Variants in FLT1 observed in about 807,000 individuals in gnomAD.
FLT1 encodes fms related receptor tyrosine kinase 1, also known as vascular endothelial growth factor receptor 1.
FLT1 carries 49 observed loss-of-function variants against 156.3 expected under a neutral mutation model. The observed-to-expected ratio is 0.31, with a 90% CI of 0.25 to 0.40. The LOEUF (loss-of-function observed/expected upper bound fraction) is 0.40. FLT1 is among the 10% of genes least tolerant of loss of function. The probability of loss-of-function intolerance (pLI) is 1.00; values close to 1 mark genes in which losing one functional copy is unlikely to be tolerated. For missense variants in FLT1, 1,322 were observed against 1,637.2 expected (o/e 0.81, Z 3.32); for synonymous variants, 594 against 583.8 (o/e 1.02, Z -0.25).
intron 14 of FLT1, among the ~76,000 whole-genome samples, chr13:28,383,787 C>A (rs966098802): frequency 8.5e-5 from 13 of 152,048 alleles, no homozygotes; most frequent in South Asian, 2.1e-4. Context: ...TGAGTGAGAT[C>A]GTGCCACTGC....
chr13:28,399,182 G>C (rs1875268728), intron 11 of FLT1: 1 of 1,196,662 alleles, frequency 8.4e-7, no homozygotes, highest in Admixed American at 2.3e-5. Context: ...AGGAAGCTTA[G>C]ACCCTTCAAA....
chr13:28,483,706 C>T (rs762901039), intron 1 of FLT1, among the ~76,000 whole-genome samples: 8 of 152,294 alleles, frequency 5.3e-5, no homozygotes, highest in South Asian at 2.1e-4. Context: ...TAAAGAAATG[C>T]TCCCCGTGTT....
At chr13:28,396,925 C>T (rs755293173) in intron 12 of FLT1, 35 bp downstream of exon 12, 29 of 1,216,500 alleles carry the variant, frequency 2.4e-5, no homozygotes, top group Non-Finnish European at 3.4e-5. Flanking sequence ...AATGAAGTCA[C>T]CAGGCTGTCT....
At chr13:28,311,881 T>C (rs1871021094) in intron 26 of FLT1, 112 bp downstream of exon 26, 4 of 1,092,264 alleles carry the variant, frequency 3.7e-6, no homozygotes, top group Admixed American at 3.6e-5. Flanking sequence ...ACACCCTTTT[T>C]TTAAACTTCT....
intron 15 of FLT1, among the ~76,000 whole-genome samples, chr13:28,352,520 A>C (rs1365417412): frequency 2.0e-5 from 3 of 152,172 alleles, no homozygotes; most frequent in Non-Finnish European, 4.4e-5. Flanking sequence ...TTGCCTCAAG[A>C]ACTCTCTACA....
intron 3 of FLT1, among the ~76,000 whole-genome samples, chr13:28,447,310 C>T (rs188242834): frequency 6.6e-6 from 1 of 151,778 alleles, no homozygotes; most frequent in Admixed American, 6.6e-5. Flanking sequence ...TCCTGAGTAG[C>T]TCAGACTATA....
In FLT1 at chr13:28,374,690, T is replaced by A. The variant is rs141072457; in HGVS notation, c.2116+10195A>T. 2.4e-4 allele frequency among the ~76,000 whole-genome samples: 36 copies of A among 152,064 alleles called. No homozygotes were observed. The East Asian group carries it at 7.0e-3, about 30-fold the overall frequency. Reference sequence around the variant, plus strand: ...CCATGCCCAGCTAATTTTTTCTGTATTTTTAGTAGAGACAGGGTTTCACCG... The same window carrying A: ...CCATGCCCAGCTAATTTTTTCTGTAATTTTAGTAGAGACAGGGTTTCACCG... On this transcript the variant is annotated intron_variant, in intron 14 of 29. Coordinates refer to ENST00000282397, the MANE Select transcript of FLT1 (RefSeq NM_002019.4).
chr13:28,308,234 A>G (rs1593666887), intron 28 of FLT1: 2 of 164,140 alleles, frequency 1.2e-5, no homozygotes, highest in African/African-American at 2.4e-5. Flanking sequence ...TGAGTCCCAG[A>G]GTCTGCAACA....
chr13:28,471,874 T>C (rs1215905816), intron 1 of FLT1, among the ~76,000 whole-genome samples: 1 of 152,102 alleles, frequency 6.6e-6, no homozygotes, highest in African/African-American at 2.4e-5. Context: ...TCTCCTTACA[T>C]CACGAAAACA....
Position 28,327,485 on chromosome 13 carries a change from G to A in FLT1, c.2773C>T (p.Arg925Cys), listed in dbSNP as rs765997000. 2.5e-6 allele frequency: 4 copies of A among 1,612,084 alleles called. No individual in the cohort carries two copies. Among genetic ancestry groups the A allele is most frequent in the African/African-American group, 2.7e-5 (2 of 74,978 alleles). The stretch of plus-strand genomic sequence containing the variant: ...ACCTTGTTGAGAAAAAATAAGTCAC[G>A]TTTGCTCTTGAGGTAGTTGGAGAGA... ...GNLSNYLKSK[R>C]DLFFLNKDAA... is the part of the protein sequence containing the mutation. Residue 925 changes from arginine (R) to cysteine (C), a missense_variant, in exon 20 of 30, where the codon CGT becomes TGT. Physicochemically the swap from Arg to Cys is radical, Grantham distance 180. Coordinates refer to ENST00000282397, the MANE Select transcript of FLT1 (RefSeq NM_002019.4).
intron 1 of FLT1, among the ~76,000 whole-genome samples, chr13:28,478,635 C>T (rs187290628): frequency 2.0e-5 from 3 of 152,324 alleles, no homozygotes; most frequent in African/African-American, 7.2e-5. Flanking sequence ...CACACAGTTC[C>T]TTCTGGAAAA....
chr13:28,473,777 GGAAAGAAAGAAAGAAAGAAAGAAAGAAA>G (rs1224855124), intron 1 of FLT1, among the ~76,000 whole-genome samples: 6 of 63,790 alleles, frequency 9.4e-5, no homozygotes, highest in Middle Eastern at 6.7e-3. Context: ...AAGGAAGGAA[GGAAAGAAAGAAAGAAAGAAAGAAAGAAA>G]GAAAGAAAGA....
At chr13:28,401,311 C>T (rs1255906731) in intron 11 of FLT1, among the ~76,000 whole-genome samples, 1 of 152,142 alleles carries the variant, frequency 6.6e-6, no homozygotes, top group African/African-American at 2.4e-5. Flanking sequence ...TTCCAGTTGC[C>T]TGGCCTGGCC....
intron 25 of FLT1, among the ~76,000 whole-genome samples, chr13:28,313,341 C>T (rs1193958259): frequency 3.9e-5 from 6 of 152,196 alleles, no homozygotes; most frequent in Non-Finnish European, 8.8e-5. Context: ...TGCACGGAAT[C>T]GAGGTCTGTA....
intron 1 of FLT1, among the ~76,000 whole-genome samples, chr13:28,476,166 C>T (rs148178599): frequency 6.6e-6 from 1 of 152,260 alleles, no homozygotes; most frequent in Admixed American, 6.5e-5. Context: ...CGCATGCATA[C>T]ACTTTTCTCT....
rs534184761 is a variant in FLT1 at position 28,482,192 on chromosome 13, G to A, written c.64+12588C>T. On this transcript the variant is annotated intron_variant, in intron 1 of 29. Coordinates refer to ENST00000282397, the MANE Select transcript of FLT1 (RefSeq NM_002019.4). The stretch of plus-strand genomic sequence containing the variant: ...GACCTCGCCGGGTGTGGTGGCTCAC[G>A]CCTGTAATCCCAACACTCTGGGAGG... Among the ~76,000 whole-genome samples the A allele has an allele frequency of 1.7e-4, 26 of 152,248 alleles. No homozygotes were observed. The East Asian group carries it at 3.7e-3, about 22-fold the overall frequency.
chr13:28,340,559 C>T, intron 16 of FLT1, among the ~76,000 whole-genome samples: 1 of 152,174 alleles, frequency 6.6e-6, no homozygotes, highest in East Asian at 1.9e-4. Flanking sequence ...AACTCTTGGC[C>T]AGAAGTTATG....
chr13:28,339,062 G>A, intron 17 of FLT1, 106 bp downstream of exon 17: 1 of 1,007,760 alleles, frequency 9.9e-7, no homozygotes, highest in Non-Finnish European at 1.5e-6. Flanking sequence ...GCAGCTGGAG[G>A]GTAGAATCCC....
intron 29 of FLT1, 70 bp downstream of exon 29, chr13:28,306,608 C>A: frequency 9.2e-7 from 1 of 1,083,814 alleles, no homozygotes; most frequent in Middle Eastern, 2.1e-4. Flanking sequence ...CCTCATTATA[C>A]CACCTTCCCC....
Sources: allele counts gnomAD v4.1 joint callset (sites outside exome capture counted in the v4.1 genomes callset), GRCh38; gene constraint gnomAD v4.1.1; transcripts MANE v1.5; gene names NCBI Gene and HGNC (gene_info 2026-07-23, HGNC 2026-07-21).